The following ANKRD30BL variants were observed in gnomAD, a reference collection of about 807,000 sequenced individuals.
ANKRD30BL encodes ankyrin repeat domain 30B like, also known as putative ankyrin repeat domain-containing protein 30B-like.
A neutral mutation model predicts 18.4 loss-of-function variants in ANKRD30BL; 20 were observed. That is an observed-to-expected ratio of 1.09 (90% CI 0.77 to 1.58). The LOEUF is 1.58. ANKRD30BL is among the 40% of genes most tolerant of loss of function. The pLI is 0.00. For missense variants in ANKRD30BL, 224 were observed against 268.6 expected (o/e 0.83, Z 1.16); for synonymous variants, 72 against 100.9 (o/e 0.71, Z 1.72).
intron 1 of ANKRD30BL, among the ~76,000 whole-genome samples, chr2:132,252,194 T>C (rs1159112784): frequency 3.9e-5 from 6 of 152,238 alleles, no homozygotes; most frequent in Non-Finnish European, 2.9e-5. Context: ...CAGTTACAAT[T>C]GATGTTAACG....
intron 1 of ANKRD30BL, among the ~76,000 whole-genome samples, chr2:132,232,752 A>G (rs1467751499): frequency 6.6e-6 from 1 of 152,210 alleles, no homozygotes; most frequent in Non-Finnish European, 1.5e-5. Context: ...CCAAGTTGGA[A>G]AACACTCTGC....
chr2:132,173,177 T>C (rs1401095991), intron 1 of ANKRD30BL, among the ~76,000 whole-genome samples: 1 of 152,194 alleles, frequency 6.6e-6, no homozygotes, highest in Non-Finnish European at 1.5e-5. Flanking sequence ...TTGTTACTTT[T>C]AAGTCTTTGA....
chr2:132,240,355 C>T (rs112197063), intron 1 of ANKRD30BL, among the ~76,000 whole-genome samples: 1 of 151,766 alleles, frequency 6.6e-6, no homozygotes, highest in African/African-American at 2.4e-5. Context: ...TTCCCAGAAA[C>T]TTCTTGTGAT....
At chr2:132,194,462 T>C (rs1055835793) in intron 1 of ANKRD30BL, among the ~76,000 whole-genome samples, 2 of 152,228 alleles carry the variant, frequency 1.3e-5, no homozygotes, top group African/African-American at 2.4e-5. Context: ...CCAACAGTCA[T>C]AGAGCTACAT....
At chr2:132,249,158 T>C (rs143254619) in intron 1 of ANKRD30BL, among the ~76,000 whole-genome samples, 32 of 140,212 alleles carry the variant, frequency 2.3e-4, no homozygotes, top group South Asian at 4.5e-4. Context: ...CCTCAAAGTG[T>C]TCACAAATAT....
At chr2:132,166,658 T>C (rs953017169), upstream of ANKRD30BL, among the ~76,000 whole-genome samples, 3 of 152,136 alleles carry the variant, frequency 2.0e-5, no homozygotes, top group South Asian at 2.1e-4. Flanking sequence ...TACCCCTGTT[T>C]CACTTCCAAT....
intron 1 of ANKRD30BL, among the ~76,000 whole-genome samples, chr2:132,192,188 C>T (rs1558926169): frequency 1.3e-5 from 2 of 152,220 alleles, no homozygotes; most frequent in Middle Eastern, 3.4e-3. Context: ...CAACATAACA[C>T]AAGTAAGCCA....
chr2:132,252,618 C>T (rs1680685730), intron 1 of ANKRD30BL, among the ~76,000 whole-genome samples: 1 of 152,134 alleles, frequency 6.6e-6, no homozygotes, highest in Non-Finnish European at 1.5e-5. Context: ...GAGCTGTGGT[C>T]AGCCAGTCGC....
At chr2:132,185,343 C>T (rs1375694279) in intron 1 of ANKRD30BL, among the ~76,000 whole-genome samples, 3 of 152,188 alleles carry the variant, frequency 2.0e-5, no homozygotes, top group Non-Finnish European at 4.4e-5. Context: ...ACCTGACCAT[C>T]GCCTGGCCTG....
At chr2:132,163,626 C>G (rs1332612737), upstream of ANKRD30BL, among the ~76,000 whole-genome samples, 35 of 152,140 alleles carry the variant, frequency 2.3e-4, no homozygotes, top group Non-Finnish European at 3.2e-4. Flanking sequence ...GAATTAAAAC[C>G]CACAGAGCCC....
chr2:132,164,998 C>T (rs1212202376), upstream of ANKRD30BL, among the ~76,000 whole-genome samples: 2 of 152,010 alleles, frequency 1.3e-5, no homozygotes, highest in Non-Finnish European at 1.5e-5. Context: ...GGCGTGAATC[C>T]GGGTTGCGGA....
At chr2:132,206,838 G>A (rs922717191) in intron 1 of ANKRD30BL, among the ~76,000 whole-genome samples, 5 of 152,286 alleles carry the variant, frequency 3.3e-5, no homozygotes, top group Non-Finnish European at 7.3e-5. Flanking sequence ...TTTCTCTGAA[G>A]GACCTGGGAA....
chr2:132,193,431 A>G (rs1370645946), intron 1 of ANKRD30BL, among the ~76,000 whole-genome samples: 4 of 152,132 alleles, frequency 2.6e-5, no homozygotes, highest in Admixed American at 6.6e-5. Flanking sequence ...CTGTTCACAG[A>G]TCCTGAGCCA....
intron 1 of ANKRD30BL, among the ~76,000 whole-genome samples, chr2:132,223,525 A>G (rs969468078): frequency 6.6e-6 from 1 of 152,002 alleles, no homozygotes; most frequent in Admixed American, 6.6e-5. Context: ...AGAGTTGAAC[A>G]TAACATTTCA....
chr2:132,184,830 T>C (rs1425096562), intron 1 of ANKRD30BL, among the ~76,000 whole-genome samples: 1 of 152,098 alleles, frequency 6.6e-6, no homozygotes, highest in Non-Finnish European at 1.5e-5. Context: ...TTTTTTTTTT[T>C]TGAGATGGAG....
upstream of ANKRD30BL, among the ~76,000 whole-genome samples, chr2:132,164,042 C>T (rs1435906242): frequency 6.6e-6 from 1 of 152,102 alleles, no homozygotes. Context: ...GGCCTTCTCC[C>T]CTTGCTTACA....
chr2:132,172,494 A>T (rs1388114555), intron 1 of ANKRD30BL, among the ~76,000 whole-genome samples: 2 of 152,128 alleles, frequency 1.3e-5, no homozygotes, highest in African/African-American at 2.4e-5. Context: ...GCCTCTTTTC[A>T]TGTGCTTGTT....
chr2:132,206,278 C>T (rs201383944), intron 1 of ANKRD30BL, among the ~76,000 whole-genome samples: 2 of 152,154 alleles, frequency 1.3e-5, no homozygotes, highest in East Asian at 1.9e-4. Context: ...TAACTTGCTA[C>T]GAATGGAAAC....
At chr2:132,173,843 T>C (rs1447119231) in intron 1 of ANKRD30BL, among the ~76,000 whole-genome samples, 1 of 152,200 alleles carries the variant, frequency 6.6e-6, no homozygotes, top group Non-Finnish European at 1.5e-5. Context: ...ATATCCACAG[T>C]GTATTACTTT....
Sources: gnomAD v4.1 joint callset for allele counts (sites outside exome capture counted in the v4.1 genomes callset) on GRCh38, gnomAD v4.1.1 for gene constraint, MANE v1.5 for transcripts, NCBI Gene and HGNC (gene_info 2026-07-23, HGNC 2026-07-21) for gene names.